CPNE4: variants seen among roughly 807,000 people sequenced by gnomAD.
The protein encoded by CPNE4 is copine 4, also known as copine-4.
A neutral mutation model predicts 67.9 loss-of-function variants in CPNE4; 25 were observed. The ratio of observed to expected loss-of-function variants is 0.37; its 90% CI spans 0.27 to 0.51. CPNE4 has a LOEUF of 0.51. Ranked by LOEUF, CPNE4 falls within the 20% of genes least tolerant of loss-of-function variation. CPNE4 has a pLI of 0.93. For synonymous variants in CPNE4, 242 were observed against 244.9 expected (o/e 0.99, Z 0.11); for missense variants, 464 against 690.8 (o/e 0.67, Z 3.68).
At chr3:131,815,861 CTTT>C (rs2084718345) in intron 2 of CPNE4, among the ~76,000 whole-genome samples, 2 of 151,858 alleles carry the variant, frequency 1.3e-5, no homozygotes, top group African/African-American at 4.8e-5. Flanking sequence ...TGCAGAACTT[CTTT>C]GTCTTTGGTT....
Position 132,034,614 on chromosome 3 carries a change from G to T in CPNE4, c.-49C>A. On this transcript the variant is annotated 5_prime_UTR_variant, in exon 1 of 16. Transcript: ENST00000429747. ...GTGGAGAGAGAATTCAGCCCGGGACGAGGTCTGTCCCGCCCCCAGGATGCA... is the reference window on the plus strand; with the variant it reads ...GTGGAGAGAGAATTCAGCCCGGGACTAGGTCTGTCCCGCCCCCAGGATGCA... 1 of 985,482 alleles carries T rather than the reference G, an allele frequency of 1.0e-6. No homozygotes were observed. The highest frequency in any genetic ancestry group is 1.7e-5 in the African/African-American group (1 of 57,342). 61.0% of individuals were successfully genotyped at this position (985,482 alleles called of 1,614,324 possible).
Position 131,656,842 on chromosome 3 carries a change from G to GT in CPNE4, c.681+12832dup, listed in dbSNP as rs1374807701. Among the ~76,000 whole-genome samples, 12 of 152,322 alleles carry GT rather than the reference G, an allele frequency of 7.9e-5. No individual in the cohort carries two copies. The South Asian group carries it at 1.0e-3, about 13-fold the overall frequency. Reference sequence around the variant, plus strand: ...CGAAGTCTGAGTGCTTCAGTTTTGAGTTGACACCTGAATGTTAAGAACATG... The same window carrying GT: ...CGAAGTCTGAGTGCTTCAGTTTTGAGTTTGACACCTGAATGTTAAGAACATG... On this transcript the variant is annotated intron_variant, in intron 7 of 15. Transcript: ENST00000429747.
intron 2 of CPNE4, among the ~76,000 whole-genome samples, chr3:131,792,649 ATATATACACACG>A (rs2083770931): frequency 5.5e-5 from 4 of 73,306 alleles, no homozygotes; most frequent in African/African-American, 2.1e-4. Flanking sequence ...GTATATATGT[ATATATACACACG>A]TGTATATATA....
At chr3:131,890,116 C>G (rs55968055) in intron 2 of CPNE4, among the ~76,000 whole-genome samples, 1 of 151,482 alleles carries the variant, frequency 6.6e-6, no homozygotes, top group Non-Finnish European at 1.5e-5. Flanking sequence ...AGTTTATGCG[C>G]GACACAGAAA....
chr3:131,700,096 G>A (rs1025104540), intron 3 of CPNE4, 116 bp from the exon 4 acceptor site: 18 of 478,246 alleles, frequency 3.8e-5, no homozygotes, highest in Non-Finnish European at 4.0e-5. Flanking sequence ...CTGCATTCAC[G>A]TTTGTGTCAA....
At chr3:131,712,842 G>A (rs1178202148) in intron 3 of CPNE4, among the ~76,000 whole-genome samples, 2 of 152,256 alleles carry the variant, frequency 1.3e-5, no homozygotes, top group African/African-American at 2.4e-5. Context: ...GATTGGAAGA[G>A]TATGTGTAAA....
At chr3:131,626,275 C>A (rs1030069923) in intron 7 of CPNE4, among the ~76,000 whole-genome samples, 2 of 152,098 alleles carry the variant, frequency 1.3e-5, no homozygotes, top group African/African-American at 4.8e-5. Context: ...AAGTCAAAAG[C>A]CTAAAGAGGC....
intron 7 of CPNE4, among the ~76,000 whole-genome samples, chr3:131,665,421 G>A (rs1163679379): frequency 6.6e-6 from 1 of 152,086 alleles, no homozygotes; most frequent in Non-Finnish European, 1.5e-5. Flanking sequence ...CACTTTGGGA[G>A]ACCATGGTGG....
intron 1 of CPNE4, among the ~76,000 whole-genome samples, chr3:131,984,584 T>C (rs2072996600): frequency 6.6e-6 from 1 of 152,182 alleles, no homozygotes; most frequent in Non-Finnish European, 1.5e-5. Flanking sequence ...CTACTATAGA[T>C]ATCAGTGCCT....
intron 2 of CPNE4, among the ~76,000 whole-genome samples, chr3:131,896,542 AT>A (rs1382971077): frequency 6.6e-6 from 1 of 152,176 alleles, no homozygotes; most frequent in East Asian, 1.9e-4. Flanking sequence ...AGTAAAAAAA[AT>A]AATTGCACAA....
chr3:131,724,737 T>C (rs1285560261), intron 2 of CPNE4, among the ~76,000 whole-genome samples: 3 of 152,172 alleles, frequency 2.0e-5, no homozygotes, highest in Admixed American at 6.5e-5. Flanking sequence ...GTTGTTGCTA[T>C]CTCTGATGTC....
At chr3:131,969,709 A>G (rs1341994885) in intron 1 of CPNE4, among the ~76,000 whole-genome samples, 1 of 152,186 alleles carries the variant, frequency 6.6e-6, no homozygotes, top group Admixed American at 6.5e-5. Flanking sequence ...TGACTCCAAA[A>G]TACAAATAAA....
chr3:131,981,545 G>C (rs866324072), intron 1 of CPNE4, among the ~76,000 whole-genome samples: 6 of 152,136 alleles, frequency 3.9e-5, no homozygotes, highest in Non-Finnish European at 1.5e-5. Context: ...CAAAGGGCTT[G>C]GTTCTTCCCC....
intron 2 of CPNE4, among the ~76,000 whole-genome samples, chr3:131,802,885 A>G (rs535996935): frequency 4.6e-5 from 7 of 152,312 alleles, no homozygotes; most frequent in African/African-American, 1.7e-4. Context: ...AAGTCACTGC[A>G]GAGCAGGTCA....
chr3:131,839,463 G>C (rs1241562010), intron 2 of CPNE4, among the ~76,000 whole-genome samples: 2 of 150,832 alleles, frequency 1.3e-5, no homozygotes, highest in Admixed American at 6.6e-5. Context: ...AATTTATGCT[G>C]ATTTATATAT....
At chr3:131,952,652 G>A (rs1329253380) in intron 1 of CPNE4, among the ~76,000 whole-genome samples, 10 of 149,002 alleles carry the variant, frequency 6.7e-5, no homozygotes, top group African/African-American at 1.5e-4. Context: ...CAGCCGCCCC[G>A]TCTGGGAGGT....
chr3:131,870,356 G>A (rs369556377), intron 2 of CPNE4, among the ~76,000 whole-genome samples: 30 of 152,272 alleles, frequency 2.0e-4, no homozygotes, highest in African/African-American at 5.8e-4. Flanking sequence ...AGGAGCAACC[G>A]GTCTTGTCGA....
At chr3:131,830,489 C>T in intron 2 of CPNE4, among the ~76,000 whole-genome samples, 1 of 152,050 alleles carries the variant, frequency 6.6e-6, no homozygotes, top group East Asian at 1.9e-4. Context: ...ACTCAGGTCT[C>T]CTTGATATTT....
At chr3:131,975,468 C>T (rs1388351811) in intron 1 of CPNE4, among the ~76,000 whole-genome samples, 1 of 152,178 alleles carries the variant, frequency 6.6e-6, no homozygotes, top group East Asian at 1.9e-4. Context: ...TTGCTATCAG[C>T]CTAGGCTTCT....
Sources: gnomAD v4.1 joint callset for allele counts (sites outside exome capture counted in the v4.1 genomes callset) on GRCh38, gnomAD v4.1.1 for gene constraint, MANE v1.5 for transcripts, NCBI Gene and HGNC (gene_info 2026-07-23, HGNC 2026-07-21) for gene names.